SLIRP: variants seen among roughly 807,000 people sequenced by gnomAD.
SLIRP encodes SRA stem-loop-interacting RNA-binding protein, mitochondrial.
SLIRP carries 12 observed loss-of-function variants against 13.4 expected under a neutral mutation model. The ratio of observed to expected loss-of-function variants is 0.89; its 90% CI spans 0.57 to 1.45. SLIRP has a LOEUF of 1.45. Among genes scored for constraint, SLIRP ranks in the 40% most tolerant of loss-of-function variants. The probability of loss-of-function intolerance (pLI) is 0.00; values close to 1 mark genes in which losing one functional copy is unlikely to be tolerated. For missense variants in SLIRP, 154 were observed against 132.2 expected (o/e 1.17, Z -0.81); for synonymous variants, 55 against 47.1 (o/e 1.17, Z -0.69).
At chr14:77,716,664 A>T (rs1013187978) in intron 3 of SLIRP, among the ~76,000 whole-genome samples, 2 of 126,676 alleles carry the variant, frequency 1.6e-5, no homozygotes, top group African/African-American at 5.7e-5. Flanking sequence ...AAAAAAAAAA[A>T]TGGGGGGTGG....
intron 3 of SLIRP, among the ~76,000 whole-genome samples, chr14:77,717,023 C>T (rs1019369457): frequency 6.6e-6 from 1 of 152,200 alleles, no homozygotes; most frequent in Non-Finnish European, 1.5e-5. Flanking sequence ...CCTCGGCCTC[C>T]CAAAGTGCTG....
intron 2 of SLIRP, among the ~76,000 whole-genome samples, chr14:77,712,847 T>TA (rs1311897985): frequency 6.6e-6 from 1 of 152,232 alleles, no homozygotes; most frequent in African/African-American, 2.4e-5. Flanking sequence ...AGTTCCTTGT[T>TA]ACCTAGTTTA....
intron 3 of SLIRP, among the ~76,000 whole-genome samples, chr14:77,717,052 A>C (rs1362101235): frequency 6.6e-6 from 1 of 152,244 alleles, no homozygotes; most frequent in Non-Finnish European, 1.5e-5. Context: ...GGCGTGAGCC[A>C]CAGCGCCTGG....
rs562903864 is a variant in SLIRP, at chr14:77,710,615, G to A, written c.98-223G>A. ...AAACACTCGATATTTGCTGAGGATGGAGACTGCAGCCAACTCAACAACTTC... is the reference window on the plus strand; with the variant it reads ...AAACACTCGATATTTGCTGAGGATGAAGACTGCAGCCAACTCAACAACTTC... On this transcript the variant is annotated intron_variant, in intron 1 of 3. Coordinates refer to ENST00000557342, the MANE Select transcript of SLIRP (RefSeq NM_031210.6). 34 of 1,514,448 alleles carry A rather than the reference G, an allele frequency of 2.2e-5. No homozygotes were observed. The African/African-American group carries it at 4.5e-4, about 20-fold the overall frequency. The allele number at this position is 1,514,448 out of a possible 1,614,324, so 93.8% of individuals were successfully genotyped here. A position where few individuals can be genotyped will look rare whatever the true frequency, so the allele number is the denominator to read the frequency against.
At chr14:77,715,909 A>T (rs757953874) in intron 3 of SLIRP, 30 bp downstream of exon 3, 48 of 1,448,422 alleles carry the variant, frequency 3.3e-5, no homozygotes, top group Non-Finnish European at 4.5e-5. Flanking sequence ...AGATACATAC[A>T]TGATATACAT....
At chr14:77,717,397 T>C (rs1400602087) in intron 3 of SLIRP, 99 bp from the exon 4 acceptor site, 3 of 958,732 alleles carry the variant, frequency 3.1e-6, no homozygotes, top group East Asian at 4.8e-5. Flanking sequence ...ACTGCCTGGG[T>C]TATTCATTAT....
chr14:77,708,271 CTT>C, intron 1 of SLIRP, 63 bp downstream of exon 1: 1 of 1,539,442 alleles, frequency 6.5e-7, no homozygotes, highest in Non-Finnish European at 9.0e-7. Context: ...AAAGCTTCTG[CTT>C]TTTGCAGGGT....
Position 77,715,815 on chromosome 14 carries a change from TTTC to T in SLIRP, c.204_206del (p.Ser69del). The stretch of plus-strand genomic sequence containing the variant: ...CACAGAGGTTTGGGTTGGGTTCAGT[TTTC>T]TTCAGAAGAAGGACTTCGGAATGCA... On this transcript the variant is annotated inframe_deletion, in exon 3 of 4. Coordinates refer to ENST00000557342, the MANE Select transcript of SLIRP (RefSeq NM_031210.6). 6.2e-7 allele frequency: 1 copy of T among 1,614,126 alleles called. No individual in the cohort carries two copies. The highest frequency in any genetic ancestry group is 8.5e-7 in the Non-Finnish European group (1 of 1,180,014).
At chr14:77,710,341 C>T (rs1028436187) in intron 1 of SLIRP, among the ~76,000 whole-genome samples, 1 of 152,010 alleles carries the variant, frequency 6.6e-6, no homozygotes, top group African/African-American at 2.4e-5. Context: ...GGGTAACCCG[C>T]AGGACAGATA....
At chr14:77,709,706 GGTTT>G (rs1447108893) in intron 1 of SLIRP, among the ~76,000 whole-genome samples, 1 of 152,114 alleles carries the variant, frequency 6.6e-6, no homozygotes, top group Admixed American at 6.6e-5. Context: ...TTCCAGAGCT[GGTTT>G]GTTTTGAAAT....
intron 2 of SLIRP, among the ~76,000 whole-genome samples, chr14:77,714,880 A>C (rs2080464608): frequency 6.6e-6 from 1 of 152,162 alleles, no homozygotes; most frequent in Non-Finnish European, 1.5e-5. Context: ...TTTCTGTCGA[A>C]GGGCTGGAGG....
At chr14:77,715,671 G>A in intron 2 of SLIRP, 101 bp from the exon 3 acceptor site, 1 of 962,050 alleles carries the variant, frequency 1.0e-6, no homozygotes. Flanking sequence ...AAATTAAAAA[G>A]TCCGATTTTT....
At chr14:77,710,745 C>T (rs1308160227) in intron 1 of SLIRP, 93 bp from the exon 2 acceptor site, 1 of 1,580,410 alleles carries the variant, frequency 6.3e-7, no homozygotes, top group Admixed American at 1.7e-5. Flanking sequence ...TAGTTCCTGT[C>T]CACAAGAAAT....
At chr14:77,711,235 C>A (rs906643404) in intron 2 of SLIRP, among the ~76,000 whole-genome samples, 5 of 147,090 alleles carry the variant, frequency 3.4e-5, no homozygotes, top group Non-Finnish European at 7.4e-5. Flanking sequence ...ATATATACAC[C>A]TAATAATATA....
intron 3 of SLIRP, 131 bp from the exon 4 acceptor site, chr14:77,717,365 A>T: frequency 1.3e-6 from 1 of 753,146 alleles, no homozygotes; most frequent in Non-Finnish European, 2.2e-6. Context: ...GGAGAAAACG[A>T]AAGAACAAGG....
intron 2 of SLIRP, among the ~76,000 whole-genome samples, chr14:77,714,150 C>T (rs897548812): frequency 1.3e-4 from 19 of 151,558 alleles, no homozygotes; most frequent in African/African-American, 4.4e-4. Context: ...TGGGATTAGT[C>T]GTGTGCCACC....
chr14:77,713,480 C>A (rs905931764), intron 2 of SLIRP, among the ~76,000 whole-genome samples: 2 of 152,104 alleles, frequency 1.3e-5, no homozygotes, highest in Admixed American at 6.5e-5. Flanking sequence ...TATATAGTGC[C>A]GGTGAAGGTG....
intron 3 of SLIRP, 21 bp from the exon 4 acceptor site, chr14:77,717,475 T>TA (rs1198997816): frequency 7.5e-6 from 12 of 1,609,804 alleles, no homozygotes; most frequent in South Asian, 2.2e-5. Context: ...TTTCCTCCCT[T>TA]ACAGTGCTTA....
At chr14:77,716,440 G>C (rs1364293595) in intron 3 of SLIRP, 2 of 152,300 alleles carry the variant, frequency 1.3e-5, no homozygotes, top group Non-Finnish European at 2.9e-5. Context: ...CAGAGGTCAG[G>C]AGTTTGAGAC....
Sources: allele counts gnomAD v4.1 joint callset (sites outside exome capture counted in the v4.1 genomes callset), GRCh38; gene constraint gnomAD v4.1.1; transcripts MANE v1.5; gene names NCBI Gene and HGNC (gene_info 2026-07-23, HGNC 2026-07-21).